Variants in PPP3CA observed in about 807,000 individuals in gnomAD.
PPP3CA encodes protein phosphatase 3 catalytic subunit alpha, also known as CAM-PRP catalytic subunit.
In PPP3CA, 14 loss-of-function variants were observed where a neutral mutation model predicts 66.5. The observed-to-expected ratio is 0.21, with a 90% CI of 0.14 to 0.33. The LOEUF is 0.33. PPP3CA is among the 10% of genes least tolerant of loss of function. The pLI, the probability that PPP3CA is intolerant of heterozygous loss-of-function variation, is 1.00. For missense variants in PPP3CA, 317 were observed against 639.5 expected (o/e 0.50, Z 5.44); for synonymous variants, 232 against 226.2 (o/e 1.03, Z -0.23).
intron 1 of PPP3CA, among the ~76,000 whole-genome samples, chr4:101,236,814 T>G (rs1041994298): frequency 1.3e-5 from 2 of 151,906 alleles, no homozygotes; most frequent in African/African-American, 4.8e-5. Context: ...GAAGACTAGT[T>G]GGCAGGGAGA....
intron 3 of PPP3CA, among the ~76,000 whole-genome samples, chr4:101,103,322 C>T (rs1013734693): frequency 1.3e-5 from 2 of 152,134 alleles, no homozygotes; most frequent in Non-Finnish European, 1.5e-5. Context: ...TGCTGCCTCT[C>T]GATCATCAAA....
At chr4:101,202,668 G>T (rs894335907) in intron 1 of PPP3CA, among the ~76,000 whole-genome samples, 2 of 152,130 alleles carry the variant, frequency 1.3e-5, no homozygotes, top group African/African-American at 4.8e-5. Flanking sequence ...TTTTATTATA[G>T]ATATTAATTC....
intron 1 of PPP3CA, among the ~76,000 whole-genome samples, chr4:101,261,030 T>C (rs895934173): frequency 6.6e-6 from 1 of 152,114 alleles, no homozygotes; most frequent in Non-Finnish European, 1.5e-5. Flanking sequence ...TTTGACAAGA[T>C]CTTCCACAAG....
At chr4:101,139,704 T>A (rs1250848061) in intron 2 of PPP3CA, among the ~76,000 whole-genome samples, 1 of 148,958 alleles carries the variant, frequency 6.7e-6, no homozygotes, top group African/African-American at 2.5e-5. Context: ...GTGTTTTTTT[T>A]TTTTTTTTTT....
chr4:101,262,453 G>A (rs758748044), intron 1 of PPP3CA, among the ~76,000 whole-genome samples: 7 of 151,928 alleles, frequency 4.6e-5, no homozygotes, highest in Non-Finnish European at 8.8e-5. Flanking sequence ...TTTTATGTTG[G>A]GAAAAGAATA....
At chr4:101,243,472 T>C (rs1030211443) in intron 1 of PPP3CA, among the ~76,000 whole-genome samples, 4 of 152,046 alleles carry the variant, frequency 2.6e-5, no homozygotes, top group African/African-American at 7.2e-5. Flanking sequence ...AAATTAAATA[T>C]ACATAGGGAA....
At chr4:101,211,585 T>C (rs1725299793) in intron 1 of PPP3CA, among the ~76,000 whole-genome samples, 1 of 152,270 alleles carries the variant, frequency 6.6e-6, no homozygotes, top group African/African-American at 2.4e-5. Context: ...TTGTAAAAGG[T>C]ACATATTTTT....
intron 2 of PPP3CA, among the ~76,000 whole-genome samples, chr4:101,193,042 C>T (rs1724660481): frequency 6.6e-6 from 1 of 152,180 alleles, no homozygotes; most frequent in South Asian, 2.1e-4. Context: ...TTAGCTATAT[C>T]CACTTGGATA....
rs201159854 is a variant in PPP3CA at position 101,346,660 on chromosome 4, GAGGAA to G, written c.58+74_58+78del. 26,145 of 1,209,252 alleles carry G rather than the reference GAGGAA, an allele frequency of 0.022. 4,223 individuals are homozygous for G. In the African/African-American group the frequency reaches 0.34, roughly 16 times the overall value. 74.9% of individuals were successfully genotyped at this position (1,209,252 alleles called of 1,614,324 possible). On this transcript the variant is annotated intron_variant, in intron 1 of 13. Transcript: ENST00000394854. ...GAGGAGAACCTGGGGCGGGGGAGGGGAGGAAAGGCGAGGCGAGGCAAGCTGCCCTG... is the reference window on the plus strand; with the variant it reads ...GAGGAGAACCTGGGGCGGGGGAGGGGAGGCGAGGCGAGGCAAGCTGCCCTG...
At chr4:101,241,944 TAACTG>T (rs1484963522) in intron 1 of PPP3CA, among the ~76,000 whole-genome samples, 9 of 152,142 alleles carry the variant, frequency 5.9e-5, no homozygotes, top group Non-Finnish European at 1.2e-4. Context: ...GGATTGTTGT[TAACTG>T]TACTGTGCTA....
rs573183209 is a variant in PPP3CA at position 101,275,117 on chromosome 4, C to A, written c.58+71622G>T. Among the ~76,000 whole-genome samples the A allele has an allele frequency of 2.0e-5, 3 of 152,280 alleles. No homozygotes were observed. The South Asian group carries it at 6.2e-4, about 32-fold the overall frequency. ...TTAGCCTCATTATTTCCTCATAACCCTCATACTTAACGGTATATATTCTTG... is the reference window on the plus strand; with the variant it reads ...TTAGCCTCATTATTTCCTCATAACCATCATACTTAACGGTATATATTCTTG... On this transcript the variant is annotated intron_variant, in intron 1 of 13. Coordinates refer to ENST00000394854, the MANE Select transcript of PPP3CA (RefSeq NM_000944.5).
At chr4:101,335,697 G>A (rs1304050524) in intron 1 of PPP3CA, among the ~76,000 whole-genome samples, 1 of 152,036 alleles carries the variant, frequency 6.6e-6, no homozygotes, top group Non-Finnish European at 1.5e-5. Flanking sequence ...GGGTATCTCG[G>A]GATGCTAAAC....
intron 1 of PPP3CA, among the ~76,000 whole-genome samples, chr4:101,210,491 C>T (rs1398785179): frequency 6.6e-6 from 1 of 152,140 alleles, no homozygotes; most frequent in Non-Finnish European, 1.5e-5. Flanking sequence ...GAAGATTAAA[C>T]AAACTAATAT....
intron 1 of PPP3CA, among the ~76,000 whole-genome samples, chr4:101,262,786 C>T (rs1727048923): frequency 1.3e-5 from 2 of 152,172 alleles, no homozygotes; most frequent in Admixed American, 1.3e-4. Flanking sequence ...TATGTGAGCT[C>T]TAACTATCCA....
intron 10 of PPP3CA, among the ~76,000 whole-genome samples, chr4:101,041,429 A>ATTTTTTT (rs11296247): frequency 2.3e-5 from 2 of 86,154 alleles, no homozygotes; most frequent in Non-Finnish European, 4.4e-5. Context: ...TACCTCACAA[A>ATTTTTTT]TTTTTTTTTT....
chr4:101,294,740 T>C (rs1728142265), intron 1 of PPP3CA, among the ~76,000 whole-genome samples: 1 of 152,054 alleles, frequency 6.6e-6, no homozygotes, highest in Non-Finnish European at 1.5e-5. Context: ...TTCTATGCAT[T>C]GTAGGATGTT....
In PPP3CA at chr4:101,024,496, G is replaced by A. The variant is rs1307441957; in HGVS notation, c.*1369C>T. On this transcript the variant is annotated 3_prime_UTR_variant, in exon 14 of 14. Coordinates refer to ENST00000394854, the MANE Select transcript of PPP3CA (RefSeq NM_000944.5). ...ATACAATTGTTAAAAAATATGAATG[G>A]ACTTTTGTTGTTGTTGTTTTCAGAA... 1.3e-5 allele frequency: 2 copies of A among 152,604 alleles called. No individual in the cohort carries two copies. Among genetic ancestry groups the A allele is most frequent in the Non-Finnish European group, 2.9e-5 (2 of 68,042 alleles). 9.5% of individuals were successfully genotyped at this position (152,604 alleles called of 1,614,324 possible). A position where few individuals can be genotyped will look rare whatever the true frequency, so the allele number is the denominator to read the frequency against.
At chr4:101,129,999 T>C (rs1276802397) in intron 2 of PPP3CA, among the ~76,000 whole-genome samples, 2 of 151,974 alleles carry the variant, frequency 1.3e-5, no homozygotes, top group African/African-American at 2.4e-5. Context: ...GCTAAGAACA[T>C]TGATACAAGG....
chr4:101,031,993 C>T (rs1226296616), intron 12 of PPP3CA, among the ~76,000 whole-genome samples: 1 of 152,164 alleles, frequency 6.6e-6, no homozygotes, highest in Non-Finnish European at 1.5e-5. Context: ...TGTAGGCAAC[C>T]TAAATGAGTT....
Sources: gnomAD v4.1 joint callset for allele counts (sites outside exome capture counted in the v4.1 genomes callset) on GRCh38, gnomAD v4.1.1 for gene constraint, MANE v1.5 for transcripts, NCBI Gene and HGNC (gene_info 2026-07-23, HGNC 2026-07-21) for gene names.